The following ACTL7A variants were observed in gnomAD, a reference collection of about 807,000 sequenced individuals.
ACTL7A encodes the protein actin like 7A, also known as actin-like protein 7A.
Under a neutral mutation model 30.3 loss-of-function variants are expected in ACTL7A, and 27 were observed. That is an observed-to-expected ratio of 0.89 (90% confidence interval 0.66 to 1.23). The LOEUF is 1.23. ACTL7A is among the 50% of genes most tolerant of loss of function. The pLI is 0.00. For synonymous variants in ACTL7A, 259 were observed against 241.4 expected (o/e 1.07, Z -0.67); for missense variants, 566 against 571.8 (o/e 0.99, Z 0.10).
Position 108,863,449 on chromosome 9 carries a change from A to C in ACTL7A, c.1127A>C (p.Lys376Thr), listed in dbSNP as rs1435462770. The C allele has an allele frequency of 1.2e-6, 2 of 1,614,088 alleles. No individual in the cohort carries two copies. The highest frequency in any genetic ancestry group is 1.7e-6 in the Non-Finnish European group (2 of 1,180,046). ...MLSGFPNRLQKELSSMCPNDT... is the reference protein window; with the variant it reads ...MLSGFPNRLQTELSSMCPNDT... ...AGTGGCTTCCCTAACCGTCTGCAGA[A>C]GGAGCTAAGCAGCATGTGTCCCAAT... Residue 376 changes from lysine to threonine, a missense_variant, in exon 1 of 1, where the codon AAG becomes ACG. Transcript: ENST00000333999.
Position 108,863,493 on chromosome 9 carries a change from G to C in ACTL7A, c.1171G>C (p.Val391Leu), listed in dbSNP as rs142768089. 4.3e-5 allele frequency: 70 copies of C among 1,614,234 alleles called. No homozygotes were observed. The African/African-American group carries it at 8.5e-4, about 20-fold the overall frequency. ...TCCCAATGACACCCCGCAGGTAAAC[G>C]TGCTGCCTGAAAGAGACAGTGCCGT... is the stretch of plus-strand genomic sequence containing the variant. Reference protein sequence around the residue: ...MCPNDTPQVNVLPERDSAVWT... With the variant: ...MCPNDTPQVNLLPERDSAVWT... The change falls in exon 1 of 1, where the codon GTG (valine) becomes CTG (leucine). Residue 391 changes from valine (V) to leucine (L), a missense_variant. Physicochemically the swap from Val to Leu is conservative, Grantham distance 32. Coordinates refer to ENST00000333999, the MANE Select transcript of ACTL7A (RefSeq NM_006687.4).
Position 108,862,506 on chromosome 9 carries a change from G to A in ACTL7A, c.184G>A (p.Glu62Lys). ...ACCTACTGAATCAAAGGCAGCCAAG[G>A]AGAGGCCCAAGCAGGAGGTGACCAA... is the stretch of plus-strand genomic sequence containing the variant. ...QEPTESKAAK[E>K]RPKQEVTKAV... is the part of the protein sequence containing the mutation. The change falls in exon 1 of 1, where the codon GAG (glutamate) becomes AAG (lysine). Residue 62 changes from glutamate to lysine, a missense_variant. Transcript: ENST00000333999. The A allele has an allele frequency of 6.2e-7, 1 of 1,614,040 alleles. No homozygotes were observed. Among genetic ancestry groups the A allele is most frequent in the Non-Finnish European group, 8.5e-7 (1 of 1,180,032 alleles).
chr9:108,862,670 A>AT lies in ACTL7A; in HGVS notation c.350dup (p.Val118ArgfsTer16). On this transcript the variant is annotated frameshift_variant, in exon 1 of 1. Coordinates refer to ENST00000333999, the MANE Select transcript of ACTL7A (RefSeq NM_006687.4). LOFTEE classifies it high-confidence loss of function. The stretch of plus-strand genomic sequence containing the variant: ...AGACTGGGGATAATCGCAAGGAGAC[A>AT]TTCGTGGGGCAGGAACTCAACAACA... 1 of 1,614,204 alleles carries AT rather than the reference A, an allele frequency of 6.2e-7. No homozygotes were observed. The highest frequency in any genetic ancestry group is 8.5e-7 in the Non-Finnish European group (1 of 1,180,028).
chr9:108,862,448 G>A lies in ACTL7A; in HGVS notation c.126G>A (p.Val42=), dbSNP rs1827176282. ...GGGATGGCCCGGCGAAGCGGGCCGTGTGGGTCCGCCATACGAGTTCAGAGC... is the reference window on the plus strand; with the variant it reads ...GGGATGGCCCGGCGAAGCGGGCCGTATGGGTCCGCCATACGAGTTCAGAGC... ...SLRDGPAKRA[V]WVRHTSSEPQ... The change falls in exon 1 of 1, where the codon GTG becomes GTA. Residue 42 remains valine, a synonymous_variant. Coordinates refer to ENST00000333999, the MANE Select transcript of ACTL7A (RefSeq NM_006687.4). 1 of 1,614,022 alleles carries A rather than the reference G, an allele frequency of 6.2e-7. No homozygotes were observed. The highest frequency in any genetic ancestry group is 1.3e-5 in the African/African-American group (1 of 74,930).
chr9:108,862,353 G>C lies in ACTL7A; in HGVS notation c.31G>C (p.Asp11His), dbSNP rs529223031. The C allele has an allele frequency of 6.2e-7, 1 of 1,613,298 alleles. No homozygotes were observed. Among genetic ancestry groups the C allele is most frequent in the East Asian group, 2.2e-5 (1 of 44,854 alleles). ...GGCTCCACCAGCAGCAATCATGGGGGATGGGCCCACCAAGAAGGTGGGCAA... is the reference window on the plus strand; with the variant it reads ...GGCTCCACCAGCAGCAATCATGGGGCATGGGCCCACCAAGAAGGTGGGCAA... MWAPPAAIMGDGPTKKVGNQA... is the reference protein window; with the variant it reads MWAPPAAIMGHGPTKKVGNQA... Residue 11 changes from aspartate (D) to histidine (H), a missense_variant, in exon 1 of 1, where the codon GAT (aspartate) becomes CAT (histidine). Coordinates refer to ENST00000333999, the MANE Select transcript of ACTL7A (RefSeq NM_006687.4).
At position 108,863,339 on chromosome 9, in the gene ACTL7A, C is replaced by T. The variant is rs776258222; in HGVS notation, c.1017C>T (p.Thr339=). ...TGCAGCTGGGCCTCCACACCCAAAC[C>T]GTGTCCTGCCTTAACAAGTGTGACA... ...KSMQLGLHTQ[T]VSCLNKCDIA... is the part of the protein sequence containing the mutation. Residue 339 remains threonine, a synonymous_variant, in exon 1 of 1, where the codon ACC becomes ACT. Coordinates refer to ENST00000333999, the MANE Select transcript of ACTL7A (RefSeq NM_006687.4). 2.5e-6 allele frequency: 4 copies of T among 1,614,062 alleles called. No homozygotes were observed. Among genetic ancestry groups the T allele is most frequent in the Admixed American group, 1.7e-5 (1 of 60,002 alleles).
chr9:108,862,536 G>C lies in ACTL7A; in HGVS notation c.214G>C (p.Val72Leu), dbSNP rs760565593. ...GCCCAAGCAGGAGGTGACCAAAGCA[G>C]TGGTCGTGGACCTGGGCACTGGCTA... The part of the protein sequence containing the change: ...ERPKQEVTKA[V>L]VVDLGTGYCK... Residue 72 changes from valine to leucine, a missense_variant, in exon 1 of 1, where the codon GTG (valine) becomes CTG (leucine). By Grantham distance (32) the Val-to-Leu change is conservative (BLOSUM62 1). Transcript: ENST00000333999. The C allele has an allele frequency of 6.2e-7, 1 of 1,614,010 alleles. No homozygotes were observed. Among genetic ancestry groups the C allele is most frequent in the African/African-American group, 1.3e-5 (1 of 74,912 alleles).
In ACTL7A at chr9:108,863,301, CTCA is replaced by C. The variant is rs1827198023; in HGVS notation, c.983_985del (p.Ile328del). On this transcript the variant is annotated inframe_deletion, in exon 1 of 1. Transcript: ENST00000333999. ...CTCGGAGATGTTCTTCAAGCCATCT[CTCA>C]TCAAGTCCATGCAGCTGGGCCTCCA... 6.2e-7 allele frequency: 1 copy of C among 1,614,188 alleles called. No homozygotes were observed. Among genetic ancestry groups the C allele is most frequent in the South Asian group, 1.1e-5 (1 of 91,082 alleles).
chr9:108,863,534 C>T lies in ACTL7A; in HGVS notation c.1212C>T (p.Ser404=). The change falls in exon 1 of 1, where the codon TCC becomes TCT. Residue 404 remains serine (S), a synonymous_variant. Transcript: ENST00000333999. Reference sequence around the variant, plus strand: ...ACAGTGCCGTGTGGACCGGTGGCTCCATCCTGGCCTCACTTCAGGGTTTCC... The same window carrying T: ...ACAGTGCCGTGTGGACCGGTGGCTCTATCCTGGCCTCACTTCAGGGTTTCC... ...ERDSAVWTGG[S]ILASLQGFQP... is the part of the protein sequence containing the mutation. 6.2e-7 allele frequency: 1 copy of T among 1,614,196 alleles called. No homozygotes were observed. Among genetic ancestry groups the T allele is most frequent in the Non-Finnish European group, 8.5e-7 (1 of 1,180,046 alleles).
rs139566194 is a variant in ACTL7A at position 108,862,425 on chromosome 9, G to C, written c.103G>C (p.Asp35His). The change falls in exon 1 of 1, where the codon GAT becomes CAT. Residue 35 changes from aspartate to histidine, a missense_variant. Asp to His is a moderately conservative substitution (Grantham distance 81). Coordinates refer to ENST00000333999, the MANE Select transcript of ACTL7A (RefSeq NM_006687.4). The stretch of plus-strand genomic sequence containing the variant: ...GGCCCTCCAGACTGCCTCTTTAAGG[G>C]ATGGCCCGGCGAAGCGGGCCGTGTG... ...TQALQTASLR[D>H]GPAKRAVWVR... 6.2e-7 allele frequency: 1 copy of C among 1,614,136 alleles called. No individual in the cohort carries two copies. Among genetic ancestry groups the C allele is most frequent in the Admixed American group, 1.7e-5 (1 of 60,026 alleles).
rs758729154 is a variant in ACTL7A, at chr9:108,863,440, G to A, written c.1118G>A (p.Arg373His). Residue 373 changes from arginine (R) to histidine (H), a missense_variant, in exon 1 of 1, where the codon CGT becomes CAT. Physicochemically the swap from Arg to His is conservative, Grantham distance 29 (BLOSUM62 0). Coordinates refer to ENST00000333999, the MANE Select transcript of ACTL7A (RefSeq NM_006687.4). ...ACGATGCTCAGTGGCTTCCCTAACC[G>A]TCTGCAGAAGGAGCTAAGCAGCATG... Reference protein sequence around the residue: ...GSTMLSGFPNRLQKELSSMCP... With the variant: ...GSTMLSGFPNHLQKELSSMCP... 41 of 1,614,046 alleles carry A rather than the reference G, an allele frequency of 2.5e-5. No homozygotes were observed. The highest frequency in any genetic ancestry group is 1.2e-4 in the African/African-American group (9 of 74,924).
chr9:108,863,385 A>G lies in ACTL7A; in HGVS notation c.1063A>G (p.Met355Val). The G allele has an allele frequency of 6.2e-7, 1 of 1,614,160 alleles. No individual in the cohort carries two copies. Among genetic ancestry groups the G allele is most frequent in the Non-Finnish European group, 8.5e-7 (1 of 1,180,020 alleles). Residue 355 changes from methionine to valine, a missense_variant, in exon 1 of 1, where the codon ATG becomes GTG. Transcript: ENST00000333999. ...TGACATCGCCCTCAAACGGGACCTC[A>G]TGGGGAACATCCTGCTCTGCGGGGG... Reference protein sequence around the residue: ...KCDIALKRDLMGNILLCGGST... With the variant: ...KCDIALKRDLVGNILLCGGST...
At position 108,863,176 on chromosome 9, in the gene ACTL7A, A is replaced by G; in HGVS notation, c.854A>G (p.Asp285Gly). The G allele has an allele frequency of 1.2e-6, 2 of 1,614,070 alleles. No homozygotes were observed. Among genetic ancestry groups the G allele is most frequent in the Non-Finnish European group, 1.7e-6 (2 of 1,180,016 alleles). Residue 285 changes from aspartate (D) to glycine (G), a missense_variant, in exon 1 of 1, where the codon GAT (aspartate) becomes GGT (glycine). Transcript: ENST00000333999. ...IKKKCCFVAL[D>G]PIEEKKVPLS... Reference sequence around the variant, plus strand: ...AAGAAATGCTGCTTTGTGGCCCTGGATCCCATTGAGGAGAAGAAAGTCCCT... The same window carrying G: ...AAGAAATGCTGCTTTGTGGCCCTGGGTCCCATTGAGGAGAAGAAAGTCCCT...
Position 108,862,475 on chromosome 9 carries a change from A to G in ACTL7A, c.153A>G (p.Pro51=), listed in dbSNP as rs1827176823. ...AVWVRHTSSE[P]QEPTESKAAK... is the part of the protein sequence containing the mutation. ...GGGTCCGCCATACGAGTTCAGAGCCACAAGAACCTACTGAATCAAAGGCAG... is the reference window on the plus strand; with the variant it reads ...GGGTCCGCCATACGAGTTCAGAGCCGCAAGAACCTACTGAATCAAAGGCAG... The change falls in exon 1 of 1, where the codon CCA becomes CCG. Residue 51 remains proline, a synonymous_variant. Transcript: ENST00000333999. 6 of 1,614,022 alleles carry G rather than the reference A, an allele frequency of 3.7e-6. No homozygotes were observed. The East Asian group carries it at 1.3e-4, about 36-fold the overall frequency.
In ACTL7A at chr9:108,863,101, C is replaced by T. The variant is rs149197750; in HGVS notation, c.779C>T (p.Ala260Val). ...TAYLLGLLNS[A>V]GNEFTQDQMG... ...TACCTGCTGGGCCTGCTGAACAGTG[C>T]GGGGAACGAATTCACCCAGGACCAG... is the stretch of plus-strand genomic sequence containing the variant. Residue 260 changes from alanine (A) to valine (V), a missense_variant, in exon 1 of 1, where the codon GCG (alanine) becomes GTG (valine). Transcript: ENST00000333999. The T allele has an allele frequency of 8.5e-5, 137 of 1,614,048 alleles. No homozygotes were observed. Among genetic ancestry groups the T allele is most frequent in the Middle Eastern group, 3.3e-4 (2 of 6,062 alleles).
chr9:108,862,624 A>G lies in ACTL7A; in HGVS notation c.302A>G (p.Lys101Arg). Residue 101 changes from lysine to arginine, a missense_variant, in exon 1 of 1, where the codon AAG becomes AGG. Coordinates refer to ENST00000333999, the MANE Select transcript of ACTL7A (RefSeq NM_006687.4). ...PTHKISTTVGKPYMETAKTGD... is the reference protein window; with the variant it reads ...PTHKISTTVGRPYMETAKTGD... ...CACAAGATCTCAACAACGGTGGGCAAGCCCTACATGGAGACCGCCAAGACT... is the reference window on the plus strand; with the variant it reads ...CACAAGATCTCAACAACGGTGGGCAGGCCCTACATGGAGACCGCCAAGACT... The G allele has an allele frequency of 6.2e-7, 1 of 1,614,226 alleles. No homozygotes were observed. The highest frequency in any genetic ancestry group is 1.3e-5 in the African/African-American group (1 of 75,058).
rs368405366 is a variant in ACTL7A, at chr9:108,863,188, A to G, written c.866A>G (p.Glu289Gly). The change falls in exon 1 of 1, where the codon GAG becomes GGG. Residue 289 changes from glutamate (E) to glycine (G), a missense_variant. By Grantham distance (98) the Glu-to-Gly change is moderately conservative. Coordinates refer to ENST00000333999, the MANE Select transcript of ACTL7A (RefSeq NM_006687.4). ...TTTGTGGCCCTGGATCCCATTGAGG[A>G]GAAGAAAGTCCCTCTCAGTGAGCAT... ...CCFVALDPIEEKKVPLSEHTI... is the reference protein window; with the variant it reads ...CCFVALDPIEGKKVPLSEHTI... 30 of 1,613,976 alleles carry G rather than the reference A, an allele frequency of 1.9e-5. No homozygotes were observed. The highest frequency in any genetic ancestry group is 2.0e-5 in the Non-Finnish European group (24 of 1,180,036).
rs779005184 is a variant in ACTL7A, at chr9:108,863,054, C to T, written c.732C>T (p.Tyr244=). The change falls in exon 1 of 1, where the codon TAC becomes TAT. Residue 244 remains tyrosine, a synonymous_variant. Transcript: ENST00000333999. The part of the protein sequence containing the change: ...PLPSITGRLD[Y]AGSDLTAYLL... ...CCAGCATCACCGGAAGGCTGGACTA[C>T]GCGGGCTCTGACCTGACAGCCTACC... is the stretch of plus-strand genomic sequence containing the variant. 1.1e-5 allele frequency: 18 copies of T among 1,614,100 alleles called. No individual in the cohort carries two copies. The highest frequency in any genetic ancestry group is 3.3e-4 in the Middle Eastern group (2 of 6,062).
Position 108,863,474 on chromosome 9 carries a change from T to A in ACTL7A, c.1152T>A (p.Asn384Lys). Reference protein sequence around the residue: ...LQKELSSMCPNDTPQVNVLPE... With the variant: ...LQKELSSMCPKDTPQVNVLPE... Reference sequence around the variant, plus strand: ...AGGAGCTAAGCAGCATGTGTCCCAATGACACCCCGCAGGTAAACGTGCTGC... The same window carrying A: ...AGGAGCTAAGCAGCATGTGTCCCAAAGACACCCCGCAGGTAAACGTGCTGC... Residue 384 changes from asparagine (N) to lysine (K), a missense_variant, in exon 1 of 1, where the codon AAT becomes AAA. Physicochemically the swap from Asn to Lys is moderately conservative, Grantham distance 94. Transcript: ENST00000333999. The A allele has an allele frequency of 6.2e-7, 1 of 1,614,230 alleles. No homozygotes were observed. The highest frequency in any genetic ancestry group is 1.3e-5 in the African/African-American group (1 of 75,078).
Sources: allele counts gnomAD v4.1 joint callset, GRCh38; gene constraint gnomAD v4.1.1; transcripts MANE v1.5; gene names NCBI Gene and HGNC (gene_info 2026-07-23, HGNC 2026-07-21).